Variants in CYP27B1 observed in about 807,000 individuals in gnomAD.
The protein encoded by CYP27B1 is cytochrome P450 family 27 subfamily B member 1.
Under a neutral mutation model 54.8 loss-of-function variants are expected in CYP27B1, and 46 were observed. The observed-to-expected ratio is 0.84, with a 90% CI of 0.66 to 1.07. The LOEUF (loss-of-function observed/expected upper bound fraction) is 1.07. Ranked by LOEUF, CYP27B1 falls within the 50% of genes least tolerant of loss-of-function variation. The pLI is 0.00. For synonymous variants in CYP27B1, 292 were observed against 297.3 expected (o/e 0.98, Z 0.18); for missense variants, 674 against 692.2 (o/e 0.97, Z 0.30).
In CYP27B1 at chr12:57,764,816, C is replaced by G; in HGVS notation, c.901G>C (p.Glu301Gln). 3 of 1,614,186 alleles carry G rather than the reference C, an allele frequency of 1.9e-6. No individual in the cohort carries two copies. The highest frequency in any genetic ancestry group is 2.5e-6 in the Non-Finnish European group (3 of 1,180,032). ...AHLTHFLFRE[E>Q]LPAQSILGNV... Reference sequence around the variant, plus strand: ...CCCAGGATGGACTGGGCAGGCAACTCTTCCCGGAACAGGAAGTGGGTCAGG... The same window carrying G: ...CCCAGGATGGACTGGGCAGGCAACTGTTCCCGGAACAGGAAGTGGGTCAGG... Residue 301 changes from glutamate (E) to glutamine (Q), a missense_variant, in exon 5 of 9, where the codon GAG becomes CAG. Coordinates refer to ENST00000228606, the MANE Select transcript of CYP27B1 (RefSeq NM_000785.4).
rs369549262 is a variant in CYP27B1, at chr12:57,764,087, G to A, written c.1215+11C>T. On this transcript the variant is annotated intron_variant, in intron 7 of 8. Transcript: ENST00000228606. ...ATGGCTCAGTAGAAAGGGTGCATAG[G>A]CTTTACTCACATTTTTGGGGATAAT... 1.9e-6 allele frequency: 3 copies of A among 1,601,726 alleles called. No individual in the cohort carries two copies. Among genetic ancestry groups the A allele is most frequent in the South Asian group, 2.2e-5 (2 of 90,804 alleles).
At position 57,765,947 on chromosome 12, in the gene CYP27B1, C is replaced by A; in HGVS notation, c.386+60G>T. 1 of 1,478,474 alleles carries A rather than the reference C, an allele frequency of 6.8e-7. No homozygotes were observed. Among genetic ancestry groups the A allele is most frequent in the African/African-American group, 1.4e-5 (1 of 70,608 alleles). 91.6% of individuals were successfully genotyped at this position (1,478,474 alleles called of 1,614,324 possible). ...TGCCCCCAGATTGATAGTTTCGGGA[C>A]CCGCAGCAGGAGAGGGCCGCTGCAG... On this transcript the variant is annotated intron_variant, in intron 2 of 8. Transcript: ENST00000228606. The surrounding 1 kb of genome is among the most constrained non-coding windows in gnomAD (Gnocchi z 5.8).
At position 57,763,659 on chromosome 12, in the gene CYP27B1, A is replaced by G; in HGVS notation, c.1365T>C (p.Cys455=). 6.3e-7 allele frequency: 1 copy of G among 1,591,088 alleles called. No individual in the cohort carries two copies. Among genetic ancestry groups the G allele is most frequent in the Non-Finnish European group, 8.6e-7 (1 of 1,166,798 alleles). The change falls in exon 8 of 9, where the codon TGT becomes TGC. Residue 455 remains cysteine (C), a synonymous_variant. Coordinates refer to ENST00000228606, the MANE Select transcript of CYP27B1 (RefSeq NM_000785.4). ...CAAGCTCTGCCAGGCGTCTCCCCAT[A>G]CAGCTGCGCTTGCCAAAGCCAAAGG... ...SLPFGFGKRS[C]MGRRLAELEL... is the part of the protein sequence containing the mutation.
intron 5 of CYP27B1, 75 bp from the exon 6 acceptor site, chr12:57,764,625 G>A (rs1955343466): frequency 1.3e-6 from 2 of 1,592,582 alleles, no homozygotes; most frequent in South Asian, 2.2e-5. Context: ...GGAAGAGTCT[G>A]GGGCTACAGG....
rs1595119377 is a variant in CYP27B1, at chr12:57,766,593, T to A, written c.195+254A>T. ...CTCCGGCCTCCCCCTCCCGCGCACT[T>A]GTACTTTATCTGCAGGATCTCCACA... On this transcript the variant is annotated intron_variant, in intron 1 of 8. Coordinates refer to ENST00000228606, the MANE Select transcript of CYP27B1 (RefSeq NM_000785.4). 3.6e-5 allele frequency: 21 copies of A among 587,818 alleles called. No individual in the cohort carries two copies. The East Asian group carries it at 6.0e-4, about 17-fold the overall frequency. 36.4% of individuals were successfully genotyped at this position (587,818 alleles called of 1,614,324 possible).
At position 57,765,372 on chromosome 12, in the gene CYP27B1, G is replaced by T; in HGVS notation, c.514C>A (p.Gln172Lys). 1 of 1,613,416 alleles carries T rather than the reference G, an allele frequency of 6.2e-7. No homozygotes were observed. Residue 172 changes from glutamine (Q) to lysine (K), a missense_variant, in exon 3 of 9, where the codon CAG (glutamine) becomes AAG (lysine). Physicochemically the swap from Gln to Lys is moderately conservative, Grantham distance 53. Coordinates refer to ENST00000228606, the MANE Select transcript of CYP27B1 (RefSeq NM_000785.4). The surrounding 1 kb of genome is among the most constrained non-coding windows in gnomAD (Gnocchi z 5.8). Reference sequence around the variant, plus strand: ...GGCGGCCCCGTGCCACGTCCCCGCTGGCGCCTCAGACGCCGCACAAGGTCG... The same window carrying T: ...GGCGGCCCCGTGCCACGTCCCCGCTTGCGCCTCAGACGCCGCACAAGGTCG... ...VCDLVRRLRR[Q>K]RGRGTGPPAL...
chr12:57,763,075 G>T lies in CYP27B1; in HGVS notation c.*67C>A. ...AGGGGAAGATGTATACCTTGGTCTT[G>T]TGCCTACAAAAAATCTTATCCCTAT... On this transcript the variant is annotated 3_prime_UTR_variant, in exon 9 of 9. Transcript: ENST00000228606. The T allele has an allele frequency of 1.8e-6, 2 of 1,139,112 alleles. No individual in the cohort carries two copies. Among genetic ancestry groups the T allele is most frequent in the Non-Finnish European group, 1.3e-6 (1 of 761,260 alleles). The allele number at this position is 1,139,112 out of a possible 1,614,324, so 70.6% of individuals were successfully genotyped here. A position where few individuals can be genotyped will look rare whatever the true frequency, so the allele number is the denominator to read the frequency against.
chr12:57,764,696 C>G, intron 5 of CYP27B1, 58 bp downstream of exon 5: 1 of 1,609,864 alleles, frequency 6.2e-7, no homozygotes, highest in East Asian at 2.2e-5. Context: ...AAAATGGAGC[C>G]GGAGTCTGCG....
At chr12:57,763,953 G>T in intron 7 of CYP27B1, 145 bp from the exon 8 acceptor site, 2 of 1,061,006 alleles carry the variant, frequency 1.9e-6, no homozygotes, top group Non-Finnish European at 1.4e-6. Context: ...TCTCCCCACT[G>T]TTCCATTACA....
rs1194321036 is a variant in CYP27B1, at chr12:57,767,004, T to C, written c.38A>G (p.His13Arg). ...CAACTCGGGCGCCCAGCGGACGCGA[T>C]GGAACACTCTGGAGGCGTACTTGAG... ...QTLKYASRVFHRVRWAPELGA... is the reference protein window; with the variant it reads ...QTLKYASRVFRRVRWAPELGA... The change falls in exon 1 of 9, where the codon CAT (histidine) becomes CGT (arginine). Residue 13 changes from histidine (H) to arginine (R), a missense_variant. His to Arg is a conservative substitution (Grantham distance 29). Transcript: ENST00000228606. 1.2e-6 allele frequency: 2 copies of C among 1,614,214 alleles called. No homozygotes were observed. Among genetic ancestry groups the C allele is most frequent in the Non-Finnish European group, 1.7e-6 (2 of 1,180,038 alleles).
At position 57,766,217 on chromosome 12, in the gene CYP27B1, G is replaced by A. The variant is rs754869778; in HGVS notation, c.196-20C>T. On this transcript the variant is annotated intron_variant, in intron 1 of 8. Coordinates refer to ENST00000228606, the MANE Select transcript of CYP27B1 (RefSeq NM_000785.4). ...CTGCACCTGGGGGAGCGGACACAGCGGACACTTGGATACCTGGGCGGGGAC... is the reference window on the plus strand; with the variant it reads ...CTGCACCTGGGGGAGCGGACACAGCAGACACTTGGATACCTGGGCGGGGAC... 107 of 1,522,954 alleles carry A rather than the reference G, an allele frequency of 7.0e-5. No individual in the cohort carries two copies. Among genetic ancestry groups the A allele is most frequent in the Non-Finnish European group, 8.6e-5 (98 of 1,133,296 alleles). 94.3% of individuals were successfully genotyped at this position (1,522,954 alleles called of 1,614,324 possible). A position where few individuals can be genotyped will look rare whatever the true frequency, so the allele number is the denominator to read the frequency against.
At chr12:57,766,249 C>A in intron 1 of CYP27B1, 52 bp from the exon 2 acceptor site, 1 of 1,487,094 alleles carries the variant, frequency 6.7e-7, no homozygotes, top group Admixed American at 2.2e-5. Context: ...GGACTTTCAG[C>A]TTGACCTGTG....
At chr12:57,766,778 C>T (rs74679406) in intron 1 of CYP27B1, 69 bp downstream of exon 1, 1 of 1,526,664 alleles carries the variant, frequency 6.6e-7, no homozygotes, top group African/African-American at 1.4e-5. Flanking sequence ...CTGCACTAGT[C>T]AGTCCTTTCT....
At position 57,765,138 on chromosome 12, in the gene CYP27B1, G is replaced by T; in HGVS notation, c.663C>A (p.Phe221Leu). The T allele has an allele frequency of 6.2e-7, 1 of 1,613,900 alleles. No individual in the cohort carries two copies. The highest frequency in any genetic ancestry group is 8.5e-7 in the Non-Finnish European group (1 of 1,179,984). Residue 221 changes from phenylalanine (F) to leucine (L), a missense_variant, in exon 4 of 9, where the codon TTC becomes TTA. By Grantham distance (22) the Phe-to-Leu change is conservative. Transcript: ENST00000228606. The surrounding 1 kb of genome is among the most constrained non-coding windows in gnomAD (Gnocchi z 5.8). ...EAQVPPDTET[F>L]IRAVGSVFVS... ...CAAACACCGAGCCCACAGCGCGGAT[G>T]AAGGTCTCCGTGTCGGGTGGCACTT...
At position 57,765,278 on chromosome 12, in the gene CYP27B1, G is replaced by C. The variant is rs1400692089; in HGVS notation, c.589+19C>G. ...GTAGGGCGCCCCCGACGCCTGCCCA[G>C]CTCTGTCCTGGGACTCACCTTCCAG... On this transcript the variant is annotated intron_variant, in intron 3 of 8. Coordinates refer to ENST00000228606, the MANE Select transcript of CYP27B1 (RefSeq NM_000785.4). This position sits in a 1 kb window ranked among gnomAD's most constrained non-coding sequence, Gnocchi z 5.8. The C allele has an allele frequency of 6.2e-7, 1 of 1,612,520 alleles. No homozygotes were observed. Among genetic ancestry groups the C allele is most frequent in the Non-Finnish European group, 8.5e-7 (1 of 1,179,556 alleles).
chr12:57,765,486 A>T lies in CYP27B1; in HGVS notation c.400T>A (p.Trp134Arg). 1 of 1,611,328 alleles carries T rather than the reference A, an allele frequency of 6.2e-7. No individual in the cohort carries two copies. The highest frequency in any genetic ancestry group is 8.5e-7 in the Non-Finnish European group (1 of 1,179,030). Residue 134 changes from tryptophan (W) to arginine (R), a missense_variant, in exon 3 of 9, where the codon TGG becomes AGG. Transcript: ENST00000228606. This position sits in a 1 kb window ranked among gnomAD's most constrained non-coding sequence, Gnocchi z 5.8. ...GCCAGGAGACTGCGGAGCCTTTGCCATTCTTCGCCTTCCCTGCAGGGTTGA... is the reference window on the plus strand; with the variant it reads ...GCCAGGAGACTGCGGAGCCTTTGCCTTTCTTCGCCTTCCCTGCAGGGTTGA... ...CGLLTAEGEE[W>R]QRLRSLLAPL...
At chr12:57,766,463 C>T in intron 1 of CYP27B1, 1 of 560,550 alleles carries the variant, frequency 1.8e-6, no homozygotes, top group Non-Finnish European at 3.1e-6. Context: ...GAGGAGAAAT[C>T]TCTAAAAGTT....
rs1427991188 is a variant in CYP27B1, at chr12:57,765,726, C to T, written c.387-227G>A. 1.2e-6 allele frequency: 1 copy of T among 813,312 alleles called. No homozygotes were observed. 50.4% of individuals were successfully genotyped at this position (813,312 alleles called of 1,614,324 possible). A position where few individuals can be genotyped will look rare whatever the true frequency, so the allele number is the denominator to read the frequency against. On this transcript the variant is annotated intron_variant, in intron 2 of 8. Coordinates refer to ENST00000228606, the MANE Select transcript of CYP27B1 (RefSeq NM_000785.4). This position sits in a 1 kb window ranked among gnomAD's most constrained non-coding sequence, Gnocchi z 5.8. ...TCCCGGGTAACTTGAGTCACAGAAC[C>T]TTACATTCATTCCATCCAGATCCTT...
chr12:57,763,124 C>T lies in CYP27B1; in HGVS notation c.*18G>A, dbSNP rs372269276. 3 of 1,530,246 alleles carry T rather than the reference C, an allele frequency of 2.0e-6. No homozygotes were observed. The highest frequency in any genetic ancestry group is 2.7e-6 in the Non-Finnish European group (3 of 1,103,758). 94.8% of individuals were successfully genotyped at this position (1,530,246 alleles called of 1,614,324 possible). ...ATGATGAATGAAAGGGTGATGATGA[C>T]AGTCTCTTTCCATGGGACTATCTGT... On this transcript the variant is annotated 3_prime_UTR_variant, in exon 9 of 9. Transcript: ENST00000228606.
Sources: gnomAD v4.1 joint callset for allele counts on GRCh38, gnomAD v4.1.1 for gene constraint, Gnocchi (gnomAD v3.1) non-coding constraint, MANE v1.5 for transcripts, NCBI Gene and HGNC (gene_info 2026-07-23, HGNC 2026-07-21) for gene names.